SVEP1: variants seen among roughly 807,000 people sequenced by gnomAD.
The protein encoded by SVEP1 is sushi, von Willebrand factor type A, EGF and pentraxin domain containing 1.
Under a neutral mutation model 367.3 loss-of-function variants are expected in SVEP1, and 164 were observed. That is an observed-to-expected ratio of 0.45 (90% CI 0.39 to 0.51). The LOEUF (loss-of-function observed/expected upper bound fraction) is 0.51. SVEP1 is among the 20% of genes least tolerant of loss of function. The pLI is 0.00. For synonymous variants in SVEP1, 1,666 were observed against 1,611.6 expected (o/e 1.03, Z -0.81); for missense variants, 4,117 against 4,425.3 (o/e 0.93, Z 1.98).
rs942083245 is a variant in SVEP1, at chr9:110,443,466, T to C, written c.4639+79A>G. On this transcript the variant is annotated intron_variant, in intron 27 of 47. Coordinates refer to ENST00000374469, the MANE Select transcript of SVEP1 (RefSeq NM_153366.4). ...CTTTGTTTGAAACCAAGAACAACAA[T>C]GCTAGCAAACCTGATGTCCATTTAA... 7.4e-6 allele frequency: 9 copies of C among 1,216,990 alleles called. No individual in the cohort carries two copies. In the African/African-American group the frequency reaches 1.4e-4, roughly 19 times the overall value. 75.4% of individuals were successfully genotyped at this position (1,216,990 alleles called of 1,614,324 possible).
At chr9:110,441,435 C>T (rs1385160173) in intron 27 of SVEP1, among the ~76,000 whole-genome samples, 1 of 152,236 alleles carries the variant, frequency 6.6e-6, no homozygotes, top group Non-Finnish European at 1.5e-5. Context: ...GCCTCCTTCT[C>T]TGCCCTCTCC....
Position 110,427,682 on chromosome 9 carries a change from A to T in SVEP1, c.5884T>A (p.Phe1962Ile). Residue 1962 changes from phenylalanine (F) to isoleucine (I), a missense_variant, in exon 36 of 48, where the codon TTC becomes ATC. By Grantham distance (21) the Phe-to-Ile change is conservative. Around this residue, in one of 4 missense-constraint regions of SVEP1, gnomAD observed 2,174 missense variants for 2,494.3 expected, o/e 0.87. Transcript: ENST00000374469. ...DRAPPACHLV[F>I]CGEPPAIKDA... The stretch of plus-strand genomic sequence containing the variant: ...TTGATGGCAGGTGGTTCTCCACAGA[A>T]GACGAGGTGACAGGCAGGTGGCGCT... The T allele has an allele frequency of 6.2e-7, 1 of 1,613,956 alleles. No homozygotes were observed. Among genetic ancestry groups the T allele is most frequent in the Non-Finnish European group, 8.5e-7 (1 of 1,179,868 alleles).
chr9:110,568,365 T>G (rs1830515778), intron 1 of SVEP1, among the ~76,000 whole-genome samples: 1 of 152,232 alleles, frequency 6.6e-6, no homozygotes, highest in African/African-American at 2.4e-5. Context: ...ACACAGAGTG[T>G]GCGATGAACA....
At chr9:110,517,948 G>C (rs1321074790) in intron 3 of SVEP1, among the ~76,000 whole-genome samples, 1 of 152,008 alleles carries the variant, frequency 6.6e-6, no homozygotes, top group Non-Finnish European at 1.5e-5. Flanking sequence ...GAAAGCAAAA[G>C]ATTCTATTTG....
chr9:110,422,791 T>A (rs1348970583), intron 36 of SVEP1, among the ~76,000 whole-genome samples: 4 of 101,612 alleles, frequency 3.9e-5, no homozygotes, highest in African/African-American at 1.7e-4. Context: ...TATGCAGCCA[T>A]AAAAAATGAT....
At chr9:110,482,573 C>A (rs911836597) in intron 10 of SVEP1, 81 bp from the exon 11 acceptor site, 2 of 1,488,574 alleles carry the variant, frequency 1.3e-6, no homozygotes, top group Admixed American at 4.2e-5. Flanking sequence ...GTTGCCCAGG[C>A]TGGAGTGCAA....
chr9:110,379,251 T>A, intron 44 of SVEP1, 96 bp downstream of exon 44: 2 of 1,310,488 alleles, frequency 1.5e-6, no homozygotes, highest in Non-Finnish European at 2.1e-6. Context: ...CAAGGAAAAA[T>A]AAAGTAGTAT....
intron 2 of SVEP1, among the ~76,000 whole-genome samples, chr9:110,548,988 A>G (rs1286140027): frequency 4.6e-5 from 7 of 152,304 alleles, no homozygotes; most frequent in African/African-American, 1.7e-4. Context: ...AAGAAACTCC[A>G]GTAGAGCTAA....
intron 40 of SVEP1, among the ~76,000 whole-genome samples, chr9:110,397,789 T>C (rs993933991): frequency 6.6e-6 from 1 of 152,076 alleles, no homozygotes. Context: ...TTACAAGGGA[T>C]GTGAAGGGCC....
At chr9:110,413,855 G>T (rs1277316841) in intron 36 of SVEP1, among the ~76,000 whole-genome samples, 1 of 151,982 alleles carries the variant, frequency 6.6e-6, no homozygotes, top group African/African-American at 2.4e-5. Flanking sequence ...CTGTCATTTT[G>T]CTACTAATGA....
In SVEP1 at chr9:110,545,820, G is replaced by A. The variant is rs540483524; in HGVS notation, c.964+295C>T. 9.2e-5 allele frequency among the ~76,000 whole-genome samples: 14 copies of A among 152,258 alleles called. No homozygotes were observed. In the East Asian group the frequency reaches 2.5e-3, roughly 27 times the overall value. On this transcript the variant is annotated intron_variant, in intron 3 of 47. Transcript: ENST00000374469. ...AACAAGCCTGGGCTAGCCTGATGGA[G>A]TATGAGAGGCCACATAAAGGACAGC...
At chr9:110,551,711 C>T (rs763930353) in intron 1 of SVEP1, among the ~76,000 whole-genome samples, 55 of 152,068 alleles carry the variant, frequency 3.6e-4, no homozygotes, top group Non-Finnish European at 6.9e-4. Context: ...TGATGAATGA[C>T]AGGAAGATTT....
intron 9 of SVEP1, among the ~76,000 whole-genome samples, chr9:110,483,998 C>G (rs1053679283): frequency 3.3e-5 from 5 of 152,104 alleles, no homozygotes; most frequent in African/African-American, 7.2e-5. Flanking sequence ...GGGTTCTGTC[C>G]ACGGTCGTTG....
intron 24 of SVEP1, among the ~76,000 whole-genome samples, 170 bp downstream of exon 24, chr9:110,449,889 G>C (rs1828665149): frequency 6.6e-6 from 1 of 152,164 alleles, no homozygotes; most frequent in Admixed American, 6.5e-5. Flanking sequence ...CTCTACTTCA[G>C]GCTTAGTGAA....
chr9:110,540,228 A>G (rs1182987712), intron 3 of SVEP1, among the ~76,000 whole-genome samples: 3 of 152,102 alleles, frequency 2.0e-5, no homozygotes, highest in Non-Finnish European at 2.9e-5. Flanking sequence ...AGACAGTCAT[A>G]CTAGTAACAG....
chr9:110,459,124 A>G lies in SVEP1; in HGVS notation c.3323-11T>C, dbSNP rs1040511798. 4 of 1,612,496 alleles carry G rather than the reference A, an allele frequency of 2.5e-6. No homozygotes were observed. The highest frequency in any genetic ancestry group is 3.4e-6 in the Non-Finnish European group (4 of 1,178,864). On this transcript the variant is annotated splice_polypyrimidine_tract_variant and intron_variant, in intron 18 of 47. Transcript: ENST00000374469. ...CTTCTGGACAAGGAACTGCAGAGGT[A>G]AAAACAAATCATATGTGCATATAAA... is the stretch of plus-strand genomic sequence containing the variant.
intron 8 of SVEP1, among the ~76,000 whole-genome samples, chr9:110,493,331 C>T (rs1829398820): frequency 6.6e-6 from 1 of 152,088 alleles, no homozygotes; most frequent in Admixed American, 6.6e-5. Context: ...GCCACACAGC[C>T]TTAAACAAAT....
intron 24 of SVEP1, among the ~76,000 whole-genome samples, chr9:110,449,037 C>T (rs1339937375): frequency 1.3e-5 from 2 of 152,168 alleles, no homozygotes; most frequent in Non-Finnish European, 2.9e-5. Context: ...AAACCAGCAG[C>T]ATCTTGAGGA....
At chr9:110,526,979 T>C (rs1829946953) in intron 3 of SVEP1, among the ~76,000 whole-genome samples, 1 of 152,068 alleles carries the variant, frequency 6.6e-6, no homozygotes, top group South Asian at 2.1e-4. Flanking sequence ...AATGACAAAA[T>C]TATAGAAATA....
Sources: gnomAD v4.1 joint callset for allele counts (sites outside exome capture counted in the v4.1 genomes callset) on GRCh38, gnomAD v4.1.1 for gene constraint, gnomAD v4.1.1 regional missense constraint, MANE v1.5 for transcripts, NCBI Gene and HGNC (gene_info 2026-07-23, HGNC 2026-07-21) for gene names.